The following PKP4 variants were observed in gnomAD, a reference collection of about 807,000 sequenced individuals.
The protein encoded by PKP4 is plakophilin 4.
PKP4 carries 90 observed loss-of-function variants against 145.1 expected under a neutral mutation model. That is an observed-to-expected ratio of 0.62 (90% CI 0.52 to 0.74). The LOEUF is 0.74. PKP4 is among the 30% of genes least tolerant of loss of function. The probability of loss-of-function intolerance (pLI) is 0.00; values close to 1 mark genes in which losing one functional copy is unlikely to be tolerated. For synonymous variants in PKP4, 563 were observed against 577.2 expected (o/e 0.98, Z 0.35); for missense variants, 1,340 against 1,482.7 (o/e 0.90, Z 1.58).
At chr2:158,653,474 T>C (rs2711063) in intron 11 of PKP4, among the ~76,000 whole-genome samples, 105,882 of 152,086 alleles carry the variant, frequency 0.7, 38,867 homozygotes, top group East Asian at 0.92. Context: ...GAACTTTCAT[T>C]TCTCATGGCA....
At chr2:158,534,566 G>A (rs1055538378) in intron 2 of PKP4, among the ~76,000 whole-genome samples, 4 of 152,158 alleles carry the variant, frequency 2.6e-5, no homozygotes, top group Non-Finnish European at 4.4e-5. Context: ...TTTGACCCAC[G>A]GAGCTGTTAA....
chr2:158,495,692 G>A (rs1190707792), intron 1 of PKP4, among the ~76,000 whole-genome samples: 1 of 151,628 alleles, frequency 6.6e-6, no homozygotes. Flanking sequence ...AAATTAGCTG[G>A]GCGTGGTAGT....
intron 2 of PKP4, among the ~76,000 whole-genome samples, 162 bp from the exon 3 acceptor site, chr2:158,577,109 A>G (rs904070876): frequency 1.3e-5 from 2 of 152,200 alleles, no homozygotes; most frequent in Admixed American, 6.5e-5. Flanking sequence ...CTAGGAATCA[A>G]TAGGTCATTT....
intron 2 of PKP4, among the ~76,000 whole-genome samples, chr2:158,549,784 T>A (rs2045430403): frequency 6.6e-6 from 1 of 152,210 alleles, no homozygotes; most frequent in Non-Finnish European, 1.5e-5. Flanking sequence ...GTTTTCTTGA[T>A]TTAATTCCGA....
intron 3 of PKP4, among the ~76,000 whole-genome samples, chr2:158,578,833 A>G (rs1352266400): frequency 6.6e-6 from 1 of 152,218 alleles, no homozygotes; most frequent in African/African-American, 2.4e-5. Flanking sequence ...AAATGGCACA[A>G]GAGGAGGGAA....
At chr2:158,622,215 A>G (rs558316105) in intron 6 of PKP4, among the ~76,000 whole-genome samples, 1 of 152,208 alleles carries the variant, frequency 6.6e-6, no homozygotes, top group African/African-American at 2.4e-5. Context: ...CTTTTCTTTT[A>G]CTAGATAGAA....
At chr2:158,480,718 G>T (rs1322501868) in intron 1 of PKP4, among the ~76,000 whole-genome samples, 2 of 152,124 alleles carry the variant, frequency 1.3e-5, no homozygotes, top group African/African-American at 4.8e-5. Context: ...CAATTGAGAT[G>T]TATTCTCATA....
chr2:158,600,341 C>T (rs879799898), intron 3 of PKP4, among the ~76,000 whole-genome samples: 11 of 152,158 alleles, frequency 7.2e-5, no homozygotes, highest in Non-Finnish European at 1.0e-4. Flanking sequence ...GCTCCTAGAA[C>T]GCAAGCTGCT....
chr2:158,492,084 C>G (rs1381599218), intron 1 of PKP4, among the ~76,000 whole-genome samples: 1 of 152,136 alleles, frequency 6.6e-6, no homozygotes, highest in African/African-American at 2.4e-5. Context: ...GCTGGGATTA[C>G]AGGCTTGACC....
intron 1 of PKP4, among the ~76,000 whole-genome samples, chr2:158,528,961 T>C (rs1436128112): frequency 6.6e-6 from 1 of 152,202 alleles, no homozygotes; most frequent in Non-Finnish European, 1.5e-5. Context: ...CTGTTTACAA[T>C]GTAGAACTTG....
chr2:158,550,034 C>T (rs1284225284), intron 2 of PKP4, among the ~76,000 whole-genome samples: 4 of 105,898 alleles, frequency 3.8e-5, no homozygotes, highest in African/African-American at 5.3e-5. Context: ...CAGGCACAGA[C>T]GGAAGATCAA....
chr2:158,481,124 A>G (rs1052086255), intron 1 of PKP4, among the ~76,000 whole-genome samples: 8 of 152,128 alleles, frequency 5.3e-5, no homozygotes, highest in Admixed American at 1.3e-4. Context: ...AGGTCTCACT[A>G]TGTTGCCTAG....
chr2:158,649,274 G>A (rs1006361533), intron 11 of PKP4, among the ~76,000 whole-genome samples: 1 of 152,066 alleles, frequency 6.6e-6, no homozygotes, highest in Non-Finnish European at 1.5e-5. Context: ...TGATGTCCAG[G>A]CTGGAGGTGT....
chr2:158,658,382 TAGG>T (rs1232536269), intron 12 of PKP4, 68 bp downstream of exon 12: 6 of 942,162 alleles, frequency 6.4e-6, no homozygotes, highest in Middle Eastern at 4.6e-4. Context: ...AAATTGATTT[TAGG>T]AGGACTTACT....
chr2:158,611,164 G>T (rs1472894243), intron 4 of PKP4, among the ~76,000 whole-genome samples: 1 of 152,162 alleles, frequency 6.6e-6, no homozygotes, highest in African/African-American at 2.4e-5. Context: ...TTTGATGTTT[G>T]ACAGTAAATA....
intron 3 of PKP4, among the ~76,000 whole-genome samples, chr2:158,590,564 A>G (rs1234981982): frequency 6.6e-6 from 1 of 152,022 alleles, no homozygotes; most frequent in African/African-American, 2.4e-5. Context: ...TACAAGAACT[A>G]ATGCTTACAA....
chr2:158,661,381 C>A lies in PKP4; in HGVS notation c.2142C>A (p.Cys714Ter), dbSNP rs751675720. The change falls in exon 13 of 22, where the codon TGC becomes TGA. Residue 714 changes from cysteine to a stop codon, truncating the protein, a stop_gained. Transcript: ENST00000389759. LOFTEE classifies it high-confidence loss of function. ...GEEARKQMRSCEGLVDSLLYV... is the reference protein window; with the variant it reads ...GEEARKQMRS ...AAGCTCGGAAGCAAATGCGGTCCTGCGAGGGGCTGGTAGACTCACTGTTGT... is the reference window on the plus strand; with the variant it reads ...AAGCTCGGAAGCAAATGCGGTCCTGAGAGGGGCTGGTAGACTCACTGTTGT... 6.2e-7 allele frequency: 1 copy of A among 1,613,860 alleles called. No individual in the cohort carries two copies. Among genetic ancestry groups the A allele is most frequent in the Non-Finnish European group, 8.5e-7 (1 of 1,179,800 alleles).
intron 3 of PKP4, among the ~76,000 whole-genome samples, chr2:158,581,693 CAGA>C (rs1421041522): frequency 4.6e-5 from 7 of 152,150 alleles, no homozygotes; most frequent in African/African-American, 1.7e-4. Context: ...TAACCCATGC[CAGA>C]AGATGTTTCC....
chr2:158,461,297 T>G (rs1431332615), intron 1 of PKP4, among the ~76,000 whole-genome samples: 1 of 152,240 alleles, frequency 6.6e-6, no homozygotes, highest in African/African-American at 2.4e-5. Context: ...TGCAGACATT[T>G]TCTTCATCAT....
Sources: gnomAD v4.1 joint callset for allele counts (sites outside exome capture counted in the v4.1 genomes callset) on GRCh38, gnomAD v4.1.1 for gene constraint, MANE v1.5 for transcripts, NCBI Gene and HGNC (gene_info 2026-07-23, HGNC 2026-07-21) for gene names.